The following MGAT4C variants were observed in gnomAD, a reference collection of about 807,000 sequenced individuals.
The protein encoded by MGAT4C is alpha-1,3-mannosyl-glycoprotein 4-beta-N-acetylglucosaminyltransferase C.
Under a neutral mutation model 40.1 loss-of-function variants are expected in MGAT4C, and 19 were observed. The observed-to-expected ratio is 0.47, with a 90% CI of 0.33 to 0.70. The LOEUF (loss-of-function observed/expected upper bound fraction) is 0.70. MGAT4C is among the 30% of genes least tolerant of loss of function. The pLI is 0.02. For synonymous variants in MGAT4C, 181 were observed against 187.1 expected (o/e 0.97, Z 0.27); for missense variants, 491 against 563.2 (o/e 0.87, Z 1.30).
rs539272379 is a variant in MGAT4C at position 86,443,624 on chromosome 12, C to T, written c.-228-8359G>A. ...TGTTTGTTTGTTTGAGACGGAGTCT[C>T]GCTGTGTCACCCAGGCTGGAGTGCA... On this transcript the variant is annotated intron_variant, in intron 2 of 7. Coordinates refer to the MGAT4C transcript ENST00000548651. Among the ~76,000 whole-genome samples the T allele has an allele frequency of 2.6e-5, 4 of 152,260 alleles. No homozygotes were observed. In the East Asian group the frequency reaches 7.7e-4, roughly 29 times the overall value.
chr12:86,113,695 T>C (rs947929968), intron 1 of MGAT4C, among the ~76,000 whole-genome samples: 3 of 150,226 alleles, frequency 2.0e-5, no homozygotes, highest in Non-Finnish European at 4.5e-5. Flanking sequence ...TCAAGAAACT[T>C]GGGTGAACAA....
At chr12:86,291,592 G>T (rs911921743) in intron 4 of MGAT4C, among the ~76,000 whole-genome samples, 1 of 152,038 alleles carries the variant, frequency 6.6e-6, no homozygotes, top group South Asian at 2.1e-4. Context: ...TTCCAAATGC[G>T]GGTTGTTATT....
chr12:86,090,223 A>G (rs1387932501), intron 1 of MGAT4C, among the ~76,000 whole-genome samples: 2 of 151,684 alleles, frequency 1.3e-5, no homozygotes, highest in African/African-American at 4.8e-5. Context: ...GAGATTTAGT[A>G]CTAACATATA....
At chr12:86,410,737 G>T (rs1368425680) in intron 3 of MGAT4C, among the ~76,000 whole-genome samples, 1 of 152,074 alleles carries the variant, frequency 6.6e-6, no homozygotes, top group African/African-American at 2.4e-5. Flanking sequence ...TAAATGTCCA[G>T]GAAATCTTCA....
intron 4 of MGAT4C, among the ~76,000 whole-genome samples, chr12:86,263,387 T>G (rs1592612541): frequency 1.3e-5 from 2 of 152,184 alleles, no homozygotes; most frequent in East Asian, 3.8e-4. Context: ...ATGTCCATGT[T>G]TCTACATTTG....
rs553109586 is a variant in MGAT4C, at chr12:86,487,684, T to C, written c.-228-52419A>G. The stretch of plus-strand genomic sequence containing the variant: ...TTAAGGTAATTTGACTTTTATGCCA[T>C]TTGAAATTTCAAATACAATCACAAA... On this transcript the variant is annotated intron_variant, in intron 2 of 7. Transcript: ENST00000548651. Among the ~76,000 whole-genome samples, 103 of 152,320 alleles carry C rather than the reference T, an allele frequency of 6.8e-4. 2 individuals are homozygous for C. Among genetic ancestry groups the C allele is most frequent in the Non-Finnish European group, 6.2e-4 (42 of 68,022 alleles).
chr12:86,335,791 T>G (rs1954773786), intron 3 of MGAT4C, among the ~76,000 whole-genome samples: 1 of 152,182 alleles, frequency 6.6e-6, no homozygotes, highest in African/African-American at 2.4e-5. Flanking sequence ...CAACCCTTAC[T>G]GACATTAAGG....
chr12:86,214,630 G>C, intron 1 of MGAT4C, among the ~76,000 whole-genome samples: 1 of 152,134 alleles, frequency 6.6e-6, no homozygotes, highest in East Asian at 1.9e-4. Context: ...GGTAGAAAGA[G>C]AGATCCTTTC....
At chr12:86,304,904 T>C (rs61950694) in intron 4 of MGAT4C, among the ~76,000 whole-genome samples, 13,495 of 150,448 alleles carry the variant, frequency 0.09, 987 homozygotes, top group Middle Eastern at 0.23. Context: ...CCTCTACAGG[T>C]TTCAAGAGCA....
At chr12:86,216,697 G>A (rs1172760557) in intron 1 of MGAT4C, among the ~76,000 whole-genome samples, 1 of 152,034 alleles carries the variant, frequency 6.6e-6, no homozygotes, top group Admixed American at 6.6e-5. Context: ...ATATAAATCA[G>A]GTATTCTGTT....
At chr12:86,359,498 G>C (rs1331609844) in intron 3 of MGAT4C, among the ~76,000 whole-genome samples, 1 of 149,958 alleles carries the variant, frequency 6.7e-6, no homozygotes, top group Admixed American at 6.7e-5. Context: ...GAAGGAGATA[G>C]AGACATAAAA....
intron 2 of MGAT4C, among the ~76,000 whole-genome samples, chr12:85,990,567 G>A (rs1488132370): frequency 6.6e-6 from 1 of 151,998 alleles, no homozygotes; most frequent in Non-Finnish European, 1.5e-5. Context: ...GAACATAGCT[G>A]GCAAATCTTA....
At chr12:86,076,051 G>A (rs1012783866) in intron 1 of MGAT4C, among the ~76,000 whole-genome samples, 13 of 152,142 alleles carry the variant, frequency 8.5e-5, no homozygotes, top group Non-Finnish European at 1.5e-4. Flanking sequence ...GTGAACTTTT[G>A]TGCTCTGTTT....
chr12:86,237,714 A>G (rs1016111327), intron 1 of MGAT4C, among the ~76,000 whole-genome samples: 1 of 152,054 alleles, frequency 6.6e-6, no homozygotes, highest in Admixed American at 6.6e-5. Context: ...CTTGCAATAA[A>G]GTTTTCTGAA....
At chr12:86,438,764 C>A (rs1957178534) in intron 2 of MGAT4C, among the ~76,000 whole-genome samples, 1 of 151,506 alleles carries the variant, frequency 6.6e-6, no homozygotes. Context: ...TAGACTCAAG[C>A]TAAAGGGATA....
intron 1 of MGAT4C, among the ~76,000 whole-genome samples, chr12:86,131,651 T>A (rs923718478): frequency 6.6e-6 from 1 of 152,106 alleles, no homozygotes; most frequent in Admixed American, 6.5e-5. Context: ...CAGACTTTGA[T>A]GTTTATCTTA....
At chr12:86,200,643 T>C (rs1950018155) in intron 1 of MGAT4C, among the ~76,000 whole-genome samples, 1 of 152,164 alleles carries the variant, frequency 6.6e-6, no homozygotes, top group Non-Finnish European at 1.5e-5. Context: ...TTACGGGACA[T>C]TTGTGTAGAT....
chr12:86,766,323 C>G (rs915637451), intron 1 of MGAT4C, among the ~76,000 whole-genome samples: 135 of 151,942 alleles, frequency 8.9e-4, no homozygotes, highest in Non-Finnish European at 1.6e-3. Flanking sequence ...GCTAACTATC[C>G]TAAATATATA....
At chr12:86,267,297 A>T (rs576128937) in intron 4 of MGAT4C, among the ~76,000 whole-genome samples, 1 of 152,262 alleles carries the variant, frequency 6.6e-6, no homozygotes, top group South Asian at 2.1e-4. Context: ...CTGCATTTCC[A>T]TGCTGAGGGA....
Sources: gnomAD v4.1 joint callset for allele counts (sites outside exome capture counted in the v4.1 genomes callset) on GRCh38, gnomAD v4.1.1 for gene constraint, MANE v1.5 for transcripts, NCBI Gene and HGNC (gene_info 2026-07-23, HGNC 2026-07-21) for gene names.